Variants in TMEM52B observed in about 807,000 individuals in gnomAD.
TMEM52B encodes the protein transmembrane protein 52B.
In TMEM52B, 11 loss-of-function variants were observed where a neutral mutation model predicts 16.1. That is an observed-to-expected ratio of 0.68 (90% CI 0.43 to 1.13). The LOEUF is 1.13. TMEM52B is among the 50% of genes most tolerant of loss of function. The pLI, the probability that TMEM52B is intolerant of heterozygous loss-of-function variation, is 0.00. For missense variants in TMEM52B, 243 were observed against 230.4 expected (o/e 1.05, Z -0.35); for synonymous variants, 101 against 93.8 (o/e 1.08, Z -0.45).
Position 10,190,423 on chromosome 12 carries a change from CTTT to C in TMEM52B, c.*284_*286del, listed in dbSNP as rs1309440149. ...GAAAGCATCAAGGTGTCTTGAATTC[CTTT>C]AACTATTGAGTGCATATAGAATTCC... On this transcript the variant is annotated 3_prime_UTR_variant, in exon 5 of 5. Coordinates refer to ENST00000543484, the MANE Select transcript of TMEM52B (RefSeq NM_001384896.1). The C allele has an allele frequency of 2.1e-5, 8 of 380,574 alleles. No individual in the cohort carries two copies. The highest frequency in any genetic ancestry group is 3.0e-5 in the Non-Finnish European group (6 of 201,380). 23.6% of individuals were successfully genotyped at this position (380,574 alleles called of 1,614,324 possible).
At chr12:10,181,907 G>A (rs1220826103) in intron 1 of TMEM52B, among the ~76,000 whole-genome samples, 9 of 150,128 alleles carry the variant, frequency 6.0e-5, no homozygotes, top group South Asian at 2.1e-4. Context: ...CGTGCCTGTA[G>A]TCCCAGCTAC....
chr12:10,183,312 G>A (rs1948844181), intron 2 of TMEM52B, among the ~76,000 whole-genome samples: 1 of 152,154 alleles, frequency 6.6e-6, no homozygotes. Context: ...TGCAAATTGG[G>A]TGTTGACTAC....
intron 1 of TMEM52B, among the ~76,000 whole-genome samples, chr12:10,171,744 G>A (rs952620297): frequency 6.6e-6 from 1 of 152,152 alleles, no homozygotes; most frequent in African/African-American, 2.4e-5. Flanking sequence ...ATGTTATTGC[G>A]AAGATTCTGA....
Position 10,186,441 on chromosome 12 carries a change from G to A in TMEM52B, c.159G>A (p.Ala53=), listed in dbSNP as rs766088220. ...WYIWLLVVIG[A]LLLLCGLTSL... ...GCAGGTTGCTAGTGGTAATTGGCGC[G>A]CTGCTTCTCCTGTGTGGCCTGACGT... is the stretch of plus-strand genomic sequence containing the variant. The change falls in exon 4 of 5, where the codon GCG becomes GCA. Residue 53 remains alanine, a synonymous_variant. Coordinates refer to ENST00000543484, the MANE Select transcript of TMEM52B (RefSeq NM_001384896.1). 5 of 1,609,564 alleles carry A rather than the reference G, an allele frequency of 3.1e-6. No homozygotes were observed. Among genetic ancestry groups the A allele is most frequent in the South Asian group, 2.2e-5 (2 of 90,682 alleles).
rs772079638 is a variant in TMEM52B, at chr12:10,189,973, C to T, written c.385C>T (p.Pro129Ser). 28 of 1,614,040 alleles carry T rather than the reference C, an allele frequency of 1.7e-5. No homozygotes were observed. The highest frequency in any genetic ancestry group is 2.4e-5 in the Non-Finnish European group (28 of 1,180,042). Residue 129 changes from proline to serine, a missense_variant, in exon 5 of 5, where the codon CCC (proline) becomes TCC (serine). Pro to Ser is a moderately conservative substitution (Grantham distance 74, BLOSUM62 -1). Transcript: ENST00000543484. ...AHSHSSLGQL[P>S]SSLDTLPGYE... ...CTCCCACAGCTCCCTGGGCCAGCTG[C>T]CCTCCTCTTTGGACACCCTCCCAGG...
intron 1 of TMEM52B, among the ~76,000 whole-genome samples, chr12:10,171,636 C>A (rs1948718886): frequency 6.6e-6 from 1 of 152,140 alleles, no homozygotes; most frequent in South Asian, 2.1e-4. Context: ...CCTAGCTCTA[C>A]CACTTATTAG....
intron 1 of TMEM52B, among the ~76,000 whole-genome samples, chr12:10,180,652 T>C (rs546813384): frequency 3.0e-4 from 46 of 152,292 alleles, no homozygotes; most frequent in Admixed American, 4.6e-4. Context: ...TGTGTCTCCT[T>C]ACCCCTTCAC....
Position 10,190,064 on chromosome 12 carries a change from T to C in TMEM52B, c.476T>C (p.Leu159Pro), listed in dbSNP as rs753092205. 2.5e-6 allele frequency: 4 copies of C among 1,614,176 alleles called. No individual in the cohort carries two copies. The highest frequency in any genetic ancestry group is 3.4e-6 in the Non-Finnish European group (4 of 1,180,030). Residue 159 changes from leucine to proline, a missense_variant, in exon 5 of 5, where the codon CTA (leucine) becomes CCA (proline). Leu to Pro is a moderately conservative substitution (Grantham distance 98). Coordinates refer to ENST00000543484, the MANE Select transcript of TMEM52B (RefSeq NM_001384896.1). The part of the protein sequence containing the change: ...VAMCGQKAPD[L>P]PPVPEEKQLP... ...ATGTGCGGGCAGAAAGCACCTGATC[T>C]ACCCCCAGTACCTGAAGAAAAGCAG...
intron 1 of TMEM52B, 178 bp from the exon 2 acceptor site, chr12:10,182,372 T>C: frequency 1.0e-6 from 1 of 985,352 alleles, no homozygotes; most frequent in South Asian, 4.7e-5. Context: ...TTACCTCAAG[T>C]ACAAAAGCCA....
At chr12:10,186,998 T>G (rs1054644931) in intron 4 of TMEM52B, among the ~76,000 whole-genome samples, 3 of 152,136 alleles carry the variant, frequency 2.0e-5, no homozygotes, top group African/African-American at 7.2e-5. Context: ...TTCAGTTCTT[T>G]ATTCTTCAAG....
upstream of TMEM52B, among the ~76,000 whole-genome samples, chr12:10,178,734 G>A (rs1363407647): frequency 1.3e-5 from 2 of 151,870 alleles, no homozygotes; most frequent in Non-Finnish European, 2.9e-5. Context: ...TTTAAAATTT[G>A]GTTTTAAAAA....
upstream of TMEM52B, among the ~76,000 whole-genome samples, chr12:10,178,477 T>A (rs1431909092): frequency 6.7e-6 from 1 of 148,620 alleles, no homozygotes; most frequent in Non-Finnish European, 1.5e-5. Flanking sequence ...GAGCCGAGAT[T>A]GCGCCACTGC....
At chr12:10,188,571 A>G (rs1404912760) in intron 4 of TMEM52B, among the ~76,000 whole-genome samples, 7 of 151,546 alleles carry the variant, frequency 4.6e-5, no homozygotes, top group Non-Finnish European at 1.0e-4. Context: ...AAGAAAAAGA[A>G]AAAGAAAAAA....
intron 2 of TMEM52B, among the ~76,000 whole-genome samples, chr12:10,182,857 T>A (rs754280116): frequency 6.6e-6 from 1 of 152,186 alleles, no homozygotes; most frequent in Non-Finnish European, 1.5e-5. Flanking sequence ...TATACAGTCA[T>A]AGAGACTTGC....
chr12:10,185,692 G>T (rs550849819), intron 3 of TMEM52B, among the ~76,000 whole-genome samples: 10 of 152,088 alleles, frequency 6.6e-5, no homozygotes, highest in Admixed American at 1.3e-4. Flanking sequence ...AGATCACTTT[G>T]AGGCCAGGAG....
At chr12:10,173,554 G>T (rs542090339) in intron 1 of TMEM52B, among the ~76,000 whole-genome samples, 46 of 151,748 alleles carry the variant, frequency 3.0e-4, no homozygotes, top group South Asian at 8.3e-4. Flanking sequence ...CTGAGGGGGG[G>T]GGTGGATCAC....
At chr12:10,172,334 G>T in intron 1 of TMEM52B, 1 of 365,092 alleles carries the variant, frequency 2.7e-6, no homozygotes, top group Non-Finnish European at 5.1e-6. Flanking sequence ...AGTAATTTAT[G>T]AAAGGGAAAA....
At chr12:10,171,410 T>A (rs1011243258) in intron 1 of TMEM52B, among the ~76,000 whole-genome samples, 1 of 152,224 alleles carries the variant, frequency 6.6e-6, no homozygotes, top group Non-Finnish European at 1.5e-5. Flanking sequence ...AAACAGAACT[T>A]ACAATTTTTC....
chr12:10,181,142 A>T (rs1948817740), intron 1 of TMEM52B, among the ~76,000 whole-genome samples: 1 of 152,116 alleles, frequency 6.6e-6, no homozygotes, highest in Non-Finnish European at 1.5e-5. Flanking sequence ...TCAACTAAAA[A>T]ATCAGGTAGA....
Sources: allele counts gnomAD v4.1 joint callset (sites outside exome capture counted in the v4.1 genomes callset), GRCh38; gene constraint gnomAD v4.1.1; transcripts MANE v1.5; gene names NCBI Gene and HGNC (gene_info 2026-07-23, HGNC 2026-07-21).